The following TPD52L1 variants were observed in gnomAD, a reference collection of about 807,000 sequenced individuals.
The protein encoded by TPD52L1 is TPD52 like 1.
TPD52L1 carries 18 observed loss-of-function variants against 28.7 expected under a neutral mutation model. That is an observed-to-expected ratio of 0.63 (90% confidence interval 0.43 to 0.93). The LOEUF (loss-of-function observed/expected upper bound fraction) is 0.93. TPD52L1 is among the 40% of genes least tolerant of loss of function. The pLI is 0.00. For missense variants in TPD52L1, 203 were observed against 254.8 expected, an observed-to-expected ratio of 0.80 and a Z score of 1.39; for synonymous variants, 75 against 88.8, an observed-to-expected ratio of 0.84 and a Z score of 0.88.
intron 3 of TPD52L1, among the ~76,000 whole-genome samples, chr6:125,244,091 T>A (rs1362227417): frequency 6.6e-6 from 1 of 152,158 alleles, no homozygotes; most frequent in Non-Finnish European, 1.5e-5. Context: ...TACAGAAAGT[T>A]TTTTTGTGTG....
At chr6:125,225,481 A>G (rs1348971028) in intron 2 of TPD52L1, among the ~76,000 whole-genome samples, 1 of 152,192 alleles carries the variant, frequency 6.6e-6, no homozygotes, top group Non-Finnish European at 1.5e-5. Context: ...TAATGTACAA[A>G]GGTTCCAACG....
chr6:125,219,564 G>C (rs1175781975), intron 1 of TPD52L1, among the ~76,000 whole-genome samples: 1 of 152,208 alleles, frequency 6.6e-6, no homozygotes, highest in Non-Finnish European at 1.5e-5. Context: ...GTTCTCAGGG[G>C]AGGATTTTTT....
rs559676090 is a variant in TPD52L1, at chr6:125,170,183, C to G, written c.19+16213C>G. 5.9e-5 allele frequency among the ~76,000 whole-genome samples: 9 copies of G among 152,146 alleles called. 1 individual carries two copies. Among genetic ancestry groups the G allele is most frequent in the African/African-American group, 2.2e-4 (9 of 41,548 alleles). On this transcript the variant is annotated intron_variant, in intron 1 of 6. Transcript: ENST00000534000. ...GTATGAACAGCTCATTTTCCCTGGA[C>G]TCTCTTTTCCAGGTATTTGCATGTC...
At chr6:125,248,419 C>G in intron 4 of TPD52L1, 36 bp downstream of exon 4, 1 of 1,548,012 alleles carries the variant, frequency 6.5e-7, no homozygotes, top group South Asian at 1.1e-5. Context: ...CGGCGCTAAG[C>G]CCTTGGCTTT....
In TPD52L1 at chr6:125,153,832, C is replaced by T; in HGVS notation, c.-120C>T. On this transcript the variant is annotated 5_prime_UTR_variant, in exon 1 of 7. It adds an upstream start codon to the 5' untranslated region. Transcript: ENST00000534000. ...CCCCCTCCGCGCAGCGCTCGCGACA[C>T]GCGTGCCAGGAGTGGGAGCGAGCGG... The T allele has an allele frequency of 8.4e-7, 1 of 1,191,832 alleles. No individual in the cohort carries two copies. The highest frequency in any genetic ancestry group is 1.1e-6 in the Non-Finnish European group (1 of 879,986). 73.8% of individuals were successfully genotyped at this position (1,191,832 alleles called of 1,614,324 possible).
chr6:125,189,916 A>T (rs2114853267), intron 1 of TPD52L1, among the ~76,000 whole-genome samples: 1 of 152,322 alleles, frequency 6.6e-6, no homozygotes, highest in South Asian at 2.1e-4. Context: ...TTGACAAAAC[A>T]CATAACAAAA....
At chr6:125,247,081 A>G (rs1312483949) in intron 3 of TPD52L1, among the ~76,000 whole-genome samples, 1 of 152,068 alleles carries the variant, frequency 6.6e-6, no homozygotes, top group African/African-American at 2.4e-5. Flanking sequence ...CTAGAGCCTG[A>G]GATCATACTT....
chr6:125,215,200 A>G (rs564452775), intron 1 of TPD52L1, among the ~76,000 whole-genome samples: 1 of 152,106 alleles, frequency 6.6e-6, no homozygotes, highest in Admixed American at 6.6e-5. Flanking sequence ...CCCTTCTTGC[A>G]TTATCATCTG....
In TPD52L1 at chr6:125,225,726, C is replaced by T. The variant is rs75237776; in HGVS notation, c.136-3392C>T. Among the ~76,000 whole-genome samples the T allele has an allele frequency of 1.4e-3, 215 of 152,210 alleles. 2 individuals carry two copies. In the East Asian group the frequency reaches 0.022, roughly 16 times the overall value. On this transcript the variant is annotated intron_variant, in intron 2 of 6. Coordinates refer to ENST00000534000, the MANE Select transcript of TPD52L1 (RefSeq NM_003287.4). ...TGATTTACTTGCACTTCATCTCATTCCAAATTGGATGTGGCTTACAGAAGT... is the reference window on the plus strand; with the variant it reads ...TGATTTACTTGCACTTCATCTCATTTCAAATTGGATGTGGCTTACAGAAGT...
chr6:125,196,689 CT>C (rs1562263327), intron 1 of TPD52L1, among the ~76,000 whole-genome samples: 1 of 152,180 alleles, frequency 6.6e-6, no homozygotes, highest in Admixed American at 6.5e-5. Flanking sequence ...ATAGAACTTT[CT>C]TTTTTCCTCA....
chr6:125,253,762 T>G lies in TPD52L1; in HGVS notation c.425+7T>G. Reference sequence around the variant, plus strand: ...TAAGTATGCCTGCTATGAGGTAATGTGTGTAAAATATTTTATGTAATATTA... The same window carrying G: ...TAAGTATGCCTGCTATGAGGTAATGGGTGTAAAATATTTTATGTAATATTA... On this transcript the variant is annotated splice_region_variant and intron_variant, in intron 5 of 6. Coordinates refer to ENST00000534000, the MANE Select transcript of TPD52L1 (RefSeq NM_003287.4). 6.2e-7 allele frequency: 1 copy of G among 1,607,622 alleles called. No individual in the cohort carries two copies. The highest frequency in any genetic ancestry group is 8.5e-7 in the Non-Finnish European group (1 of 1,174,676).
At chr6:125,165,311 G>A (rs182235446) in intron 1 of TPD52L1, among the ~76,000 whole-genome samples, 5 of 152,110 alleles carry the variant, frequency 3.3e-5, no homozygotes, top group Admixed American at 3.3e-4. Context: ...GAGAAGCATT[G>A]TTAATGTACC....
At position 125,239,479 on chromosome 6, in the gene TPD52L1, C is replaced by A. The variant is rs1796490846; in HGVS notation, c.285-8803C>A. Reference sequence around the variant, plus strand: ...AATGAGAGCCAAGCGATAGGGGAACCCCTTATAAAACCATCAGATCTCATG... The same window carrying A: ...AATGAGAGCCAAGCGATAGGGGAACACCTTATAAAACCATCAGATCTCATG... On this transcript the variant is annotated intron_variant, in intron 3 of 6. Coordinates refer to ENST00000534000, the MANE Select transcript of TPD52L1 (RefSeq NM_003287.4). Among the ~76,000 whole-genome samples, 3 of 152,092 alleles carry A rather than the reference C, an allele frequency of 2.0e-5. No individual in the cohort carries two copies. In the South Asian group the frequency reaches 6.2e-4, roughly 32 times the overall value.
intron 2 of TPD52L1, among the ~76,000 whole-genome samples, chr6:125,226,055 G>A (rs893701320): frequency 6.6e-6 from 1 of 152,220 alleles, no homozygotes; most frequent in African/African-American, 2.4e-5. Context: ...TGTACAAAGA[G>A]AGGTTGTTGG....
intron 3 of TPD52L1, 53 bp from the exon 4 acceptor site, chr6:125,248,229 T>C (rs572910103): frequency 1.1e-5 from 15 of 1,390,480 alleles, no homozygotes; most frequent in Admixed American, 3.5e-5. Flanking sequence ...GGAAGATGAA[T>C]TGTTTATGGG....
At chr6:125,168,572 C>T (rs1247222792) in intron 1 of TPD52L1, among the ~76,000 whole-genome samples, 2 of 150,514 alleles carry the variant, frequency 1.3e-5, no homozygotes, top group Admixed American at 6.6e-5. Flanking sequence ...GGCTGGAGTG[C>T]AGTGGCACAA....
intron 1 of TPD52L1, chr6:125,208,806 C>A (rs1794326857): frequency 3.8e-6 from 2 of 530,030 alleles, no homozygotes; most frequent in Non-Finnish European, 4.8e-6. Context: ...TGAGAGTGGG[C>A]CAGGTGCTGA....
chr6:125,236,258 A>G (rs1253810087), intron 3 of TPD52L1, among the ~76,000 whole-genome samples: 1 of 152,216 alleles, frequency 6.6e-6, no homozygotes, highest in Non-Finnish European at 1.5e-5. Flanking sequence ...GTATAGCTGA[A>G]TTTTAACCAT....
intron 3 of TPD52L1, among the ~76,000 whole-genome samples, chr6:125,230,917 C>T (rs1459864641): frequency 6.6e-6 from 1 of 152,170 alleles, no homozygotes; most frequent in Non-Finnish European, 1.5e-5. Context: ...AAATAAGAAA[C>T]CACACATTGA....
Sources: allele counts gnomAD v4.1 joint callset (sites outside exome capture counted in the v4.1 genomes callset), GRCh38; gene constraint gnomAD v4.1.1; transcripts MANE v1.5; gene names NCBI Gene and HGNC (gene_info 2026-07-23, HGNC 2026-07-21).